GNPNAT1: variants seen among roughly 807,000 people sequenced by gnomAD.
GNPNAT1 encodes glucosamine-phosphate N-acetyltransferase 1.
A neutral mutation model predicts 19.8 loss-of-function variants in GNPNAT1; 11 were observed. The ratio of observed to expected loss-of-function variants is 0.56; its 90% CI spans 0.35 to 0.92. GNPNAT1 has a LOEUF of 0.92. GNPNAT1 is among the 40% of genes least tolerant of loss of function. GNPNAT1 has a pLI of 0.01. For missense variants in GNPNAT1, 157 were observed against 211.0 expected, an observed-to-expected ratio of 0.74 and a Z score of 1.59; for synonymous variants, 71 against 72.3, an observed-to-expected ratio of 0.98 and a Z score of 0.09.
chr14:52,784,678 T>G lies in GNPNAT1; in HGVS notation c.-14-14A>C, dbSNP rs746375390. ...TTCTAGTAAGGTCTAAAATAAAAAT[T>G]TGAATATTAAGTCACTTTATTTAAT... On this transcript the variant is annotated splice_polypyrimidine_tract_variant and intron_variant, in intron 1 of 5. Coordinates refer to ENST00000216410, the MANE Select transcript of GNPNAT1 (RefSeq NM_198066.4). The G allele has an allele frequency of 7.4e-6, 9 of 1,221,056 alleles. No individual in the cohort carries two copies. The highest frequency in any genetic ancestry group is 1.6e-5 in the African/African-American group (1 of 64,034). 75.6% of individuals were successfully genotyped at this position (1,221,056 alleles called of 1,614,324 possible). A position where few individuals can be genotyped will look rare whatever the true frequency, so the allele number is the denominator to read the frequency against.
intron 5 of GNPNAT1, among the ~76,000 whole-genome samples, chr14:52,779,719 T>C (rs1160284338): frequency 1.0e-4 from 7 of 68,616 alleles, no homozygotes; most frequent in African/African-American, 3.6e-4. Context: ...AGAGATCCCA[T>C]CTCTTAAAAA....
chr14:52,789,859 T>C (rs1883116384), intron 1 of GNPNAT1, among the ~76,000 whole-genome samples: 1 of 152,076 alleles, frequency 6.6e-6, no homozygotes, highest in African/African-American at 2.4e-5. Context: ...GAACCTTTTC[T>C]GATTAACTGC....
intron 4 of GNPNAT1, 132 bp downstream of exon 4, chr14:52,781,652 C>G: frequency 1.2e-6 from 1 of 807,916 alleles, no homozygotes; most frequent in Non-Finnish European, 1.9e-6. Context: ...TCTTAAAGCT[C>G]TCAGAACACA....
At position 52,777,705 on chromosome 14, in the gene GNPNAT1, T is replaced by G. The variant is rs190304635; in HGVS notation, c.*606A>C. 23 of 152,314 alleles carry G rather than the reference T, an allele frequency of 1.5e-4. No individual in the cohort carries two copies. Among genetic ancestry groups the G allele is most frequent in the Admixed American group, 1.0e-3 (16 of 15,302 alleles). 9.4% of individuals were successfully genotyped at this position (152,314 alleles called of 1,614,324 possible). On this transcript the variant is annotated 3_prime_UTR_variant, in exon 6 of 6. Transcript: ENST00000216410. ...ACTATATAAACTTTCAGTAAAACAT[T>G]TAAATTGTTTTACTTTTAATCTTGT... is the stretch of plus-strand genomic sequence containing the variant.
Position 52,777,191 on chromosome 14 carries a change from A to G in GNPNAT1, c.*1120T>C, listed in dbSNP as rs1882755142. On this transcript the variant is annotated 3_prime_UTR_variant, in exon 6 of 6. Coordinates refer to ENST00000216410, the MANE Select transcript of GNPNAT1 (RefSeq NM_198066.4). ...AGCACATTAAACTAAAATTTTATGA[A>G]TTATGACTTAATCTAATAGTTCAAC... 1 of 152,630 alleles carries G rather than the reference A, an allele frequency of 6.6e-6. No homozygotes were observed. Among genetic ancestry groups the G allele is most frequent in the Non-Finnish European group, 1.5e-5 (1 of 68,038 alleles). 9.5% of individuals were successfully genotyped at this position (152,630 alleles called of 1,614,324 possible). A position where few individuals can be genotyped will look rare whatever the true frequency, so the allele number is the denominator to read the frequency against.
chr14:52,789,816 C>T (rs957049870), intron 1 of GNPNAT1, among the ~76,000 whole-genome samples: 1 of 152,042 alleles, frequency 6.6e-6, no homozygotes, highest in Non-Finnish European at 1.5e-5. Context: ...TTTAGATGAA[C>T]TTTAAACACT....
At position 52,776,555 on chromosome 14, in the gene GNPNAT1, A is replaced by G. The variant is rs1882727756; in HGVS notation, c.*1756T>C. ...ATTTAGTTGTGCCTTTAAGTAGGCT[A>G]ATTTTTTTTGTTTTGTTTTGAGATG... On this transcript the variant is annotated 3_prime_UTR_variant, in exon 6 of 6. Coordinates refer to ENST00000216410, the MANE Select transcript of GNPNAT1 (RefSeq NM_198066.4). 2 of 152,002 alleles carry G rather than the reference A, an allele frequency of 1.3e-5. No individual in the cohort carries two copies. Among genetic ancestry groups the G allele is most frequent in the Non-Finnish European group, 2.9e-5 (2 of 67,976 alleles). 9.4% of individuals were successfully genotyped at this position (152,002 alleles called of 1,614,324 possible). A position where few individuals can be genotyped will look rare whatever the true frequency, so the allele number is the denominator to read the frequency against.
chr14:52,780,792 C>A, intron 4 of GNPNAT1, 52 bp from the exon 5 acceptor site: 1 of 1,130,050 alleles, frequency 8.8e-7, no homozygotes, highest in Non-Finnish European at 1.3e-6. Flanking sequence ...TTGTTTTTAG[C>A]TAAAACGAGT....
Position 52,777,461 on chromosome 14 carries a change from C to T in GNPNAT1, c.*850G>A, listed in dbSNP as rs1312366891. ...ACAATACATTAAGTATTGTGTTTCA[C>T]TCAATTTTGTGATACTCCATTTTTG... On this transcript the variant is annotated 3_prime_UTR_variant, in exon 6 of 6. Coordinates refer to ENST00000216410, the MANE Select transcript of GNPNAT1 (RefSeq NM_198066.4). 1 of 151,982 alleles carries T rather than the reference C, an allele frequency of 6.6e-6. No homozygotes were observed. Among genetic ancestry groups the T allele is most frequent in the Non-Finnish European group, 1.5e-5 (1 of 67,994 alleles). The allele number at this position is 151,982 out of a possible 1,614,324, so 9.4% of individuals were successfully genotyped here.
intron 1 of GNPNAT1, among the ~76,000 whole-genome samples, chr14:52,790,354 C>T (rs1285536390): frequency 1.3e-5 from 2 of 152,220 alleles, no homozygotes. Flanking sequence ...GAGGGGCGGA[C>T]TTCGGATTCC....
intron 2 of GNPNAT1, among the ~76,000 whole-genome samples, chr14:52,784,119 A>G (rs1229740852): frequency 6.6e-6 from 1 of 152,194 alleles, no homozygotes; most frequent in East Asian, 1.9e-4. Flanking sequence ...TTTAGATGTT[A>G]AAAAAGAAAT....
intron 5 of GNPNAT1, 90 bp downstream of exon 5, chr14:52,780,585 TAATG>T (rs1170487671): frequency 6.5e-6 from 5 of 770,154 alleles, no homozygotes; most frequent in African/African-American, 1.7e-5. Context: ...AGTTCAGAAT[TAATG>T]AAGCCAAAAA....
intron 5 of GNPNAT1, among the ~76,000 whole-genome samples, chr14:52,779,759 A>T (rs1023958526): frequency 7.0e-6 from 1 of 143,678 alleles, no homozygotes; most frequent in Admixed American, 7.1e-5. Context: ...AACATAAATT[A>T]TATAGACTAG....
chr14:52,778,548 T>G (rs1318645107), intron 5 of GNPNAT1, 90 bp from the exon 6 acceptor site: 4 of 1,135,174 alleles, frequency 3.5e-6, no homozygotes, highest in Non-Finnish European at 2.5e-6. Context: ...TTATAAAACT[T>G]AAGTTTCCTT....
At chr14:52,790,120 C>CA (rs1224492370) in intron 1 of GNPNAT1, among the ~76,000 whole-genome samples, 1 of 151,990 alleles carries the variant, frequency 6.6e-6, no homozygotes, top group African/African-American at 2.4e-5. Flanking sequence ...AACAAAACTT[C>CA]AACTATTTGG....
chr14:52,785,066 T>C (rs1227503280), intron 1 of GNPNAT1, among the ~76,000 whole-genome samples: 1 of 151,760 alleles, frequency 6.6e-6, no homozygotes, highest in Non-Finnish European at 1.5e-5. Flanking sequence ...TCTGGGATTA[T>C]AGGCACGTGA....
intron 1 of GNPNAT1, among the ~76,000 whole-genome samples, chr14:52,785,357 G>C (rs1882989766): frequency 6.6e-6 from 1 of 152,060 alleles, no homozygotes; most frequent in African/African-American, 2.4e-5. Flanking sequence ...GAAGGCATCT[G>C]TTTCAACAGG....
At chr14:52,784,389 A>G (rs1882962209) in intron 2 of GNPNAT1, 108 bp downstream of exon 2, 1 of 845,928 alleles carries the variant, frequency 1.2e-6, no homozygotes, top group Non-Finnish European at 1.7e-6. Flanking sequence ...TAAGTATTAT[A>G]CAAAAAATAG....
intron 3 of GNPNAT1, among the ~76,000 whole-genome samples, chr14:52,782,225 TTTC>T (rs1320262830): frequency 1.3e-5 from 2 of 152,072 alleles, no homozygotes; most frequent in Non-Finnish European, 2.9e-5. Flanking sequence ...AAAACTTCAA[TTTC>T]TTCATTTACT....
Sources: gnomAD v4.1 joint callset for allele counts (sites outside exome capture counted in the v4.1 genomes callset) on GRCh38, gnomAD v4.1.1 for gene constraint, MANE v1.5 for transcripts, NCBI Gene and HGNC (gene_info 2026-07-23, HGNC 2026-07-21) for gene names.